The following OSBPL1A variants were observed in gnomAD, a reference collection of about 807,000 sequenced individuals.
OSBPL1A encodes oxysterol-binding protein-related protein 1.
Under a neutral mutation model 137.1 loss-of-function variants are expected in OSBPL1A, and 80 were observed. The ratio of observed to expected loss-of-function variants is 0.58; its 90% CI spans 0.49 to 0.70. The LOEUF is 0.70. OSBPL1A is among the 30% of genes least tolerant of loss of function. The pLI is 0.00. For missense variants in OSBPL1A, 970 were observed against 1,129.4 expected (o/e 0.86, Z 2.02); for synonymous variants, 365 against 389.7 (o/e 0.94, Z 0.75).
intron 19 of OSBPL1A, 83 bp from the exon 20 acceptor site, chr18:24,179,918 A>AG (rs2086555649): frequency 9.9e-7 from 1 of 1,012,598 alleles, no homozygotes; most frequent in African/African-American, 1.6e-5. Flanking sequence ...TGCTGAAGAC[A>AG]GTAATTTACA....
intron 4 of OSBPL1A, among the ~76,000 whole-genome samples, chr18:24,361,642 T>G (rs996535731): frequency 6.6e-6 from 1 of 152,166 alleles, no homozygotes; most frequent in African/African-American, 2.4e-5. Flanking sequence ...ACTTACCTTG[T>G]GCTCATGGGG....
rs1427746288 is a variant in OSBPL1A, at chr18:24,317,317, T to A, written c.806+10A>T. 1.2e-6 allele frequency: 2 copies of A among 1,612,046 alleles called. No individual in the cohort carries two copies. Among genetic ancestry groups the A allele is most frequent in the Non-Finnish European group, 1.7e-6 (2 of 1,178,178 alleles). ...TGAAATTTGATAAGTGTAAAGATCA[T>A]AATACTTACTGTTTCCTATACCATG... On this transcript the variant is annotated intron_variant, in intron 10 of 27. Coordinates refer to ENST00000319481, the MANE Select transcript of OSBPL1A (RefSeq NM_080597.4).
At position 24,251,095 on chromosome 18, in the gene OSBPL1A, T is replaced by C. The variant is rs139111444; in HGVS notation, c.1282-11713A>G. Among the ~76,000 whole-genome samples the C allele has an allele frequency of 2.6e-5, 4 of 152,282 alleles. No individual in the cohort carries two copies. In the East Asian group the frequency reaches 5.8e-4, roughly 22 times the overall value. The stretch of plus-strand genomic sequence containing the variant: ...GAGTGTCAGCTTAGCCACAGTAGAA[T>C]AGGACATCAGGCAAATTTCTAAGGT... On this transcript the variant is annotated intron_variant, in intron 15 of 27. Transcript: ENST00000319481.
chr18:24,365,025 C>CAAAAAAAAAAAAAAAAAAA (rs56400717), intron 4 of OSBPL1A, among the ~76,000 whole-genome samples: 1 of 89,692 alleles, frequency 1.1e-5, no homozygotes. Flanking sequence ...AAAACAACAA[C>CAAAAAAAAAAAAAAAAAAA]AAAAAAAAAA....
chr18:24,371,894 T>C (rs1441227919), intron 2 of OSBPL1A, among the ~76,000 whole-genome samples: 2 of 152,210 alleles, frequency 1.3e-5, no homozygotes, highest in Admixed American at 1.3e-4. Context: ...CCCTGTACCC[T>C]GTGGGTCCTC....
chr18:24,240,683 C>A (rs2088664939), intron 15 of OSBPL1A, among the ~76,000 whole-genome samples: 1 of 152,208 alleles, frequency 6.6e-6, no homozygotes, highest in South Asian at 2.1e-4. Context: ...AATCAGAAGT[C>A]TTCAACATAG....
chr18:24,339,670 A>G lies in OSBPL1A; in HGVS notation c.394+1877T>C, dbSNP rs1042826165. 9.9e-5 allele frequency among the ~76,000 whole-genome samples: 15 copies of G among 152,218 alleles called. 1 individual carries two copies. Among genetic ancestry groups the G allele is most frequent in the African/African-American group, 2.4e-5 (1 of 41,464 alleles). On this transcript the variant is annotated intron_variant, in intron 5 of 27. Transcript: ENST00000319481. ...TAATTAAAATGACAGGACATAATTA[A>G]AGACAGTACCTCATCCTCCCTATTC...
chr18:24,303,712 G>A lies in OSBPL1A; in HGVS notation c.1099C>T (p.Gln367Ter). The change falls in exon 14 of 28, where the codon CAG becomes TAG. Residue 367 changes from glutamine (Q) to a stop codon, truncating the protein, a stop_gained. Transcript: ENST00000319481. LOFTEE classifies it high-confidence loss of function. Reference sequence around the variant, plus strand: ...CTATCTAGTCGCTGTTGGCATGACTGTGCTTTCTGCAAAAAAAGAAAAGAC... The same window carrying A: ...CTATCTAGTCGCTGTTGGCATGACTATGCTTTCTGCAAAAAAAGAAAAGAC... ...ADLKKSLEKA[Q>*]SCQQRLDREI... 6.2e-7 allele frequency: 1 copy of A among 1,612,444 alleles called. No homozygotes were observed.
At chr18:24,218,618 A>G (rs1049918593) in intron 17 of OSBPL1A, among the ~76,000 whole-genome samples, 1 of 151,672 alleles carries the variant, frequency 6.6e-6, no homozygotes, top group East Asian at 1.9e-4. Context: ...TAATTTTTGT[A>G]TTTTTTGGTA....
chr18:24,269,707 A>G (rs2089668396), intron 15 of OSBPL1A, among the ~76,000 whole-genome samples: 1 of 152,226 alleles, frequency 6.6e-6, no homozygotes. Context: ...TAATCAGAGT[A>G]CAAGCCAGGC....
intron 14 of OSBPL1A, among the ~76,000 whole-genome samples, chr18:24,296,481 A>C (rs566463565): frequency 6.6e-6 from 1 of 152,088 alleles, no homozygotes; most frequent in East Asian, 1.9e-4. Context: ...TTTTCCACAT[A>C]GATGCCCTTT....
In OSBPL1A at chr18:24,271,851, G is replaced by C. The variant is rs1354967289; in HGVS notation, c.1281+8991C>G. 1 of 985,164 alleles carries C rather than the reference G, an allele frequency of 1.0e-6. No homozygotes were observed. The highest frequency in any genetic ancestry group is 1.2e-6 in the Non-Finnish European group (1 of 829,956). The allele number at this position is 985,164 out of a possible 1,614,324, so 61.0% of individuals were successfully genotyped here. On this transcript the variant is annotated intron_variant, in intron 15 of 27. Coordinates refer to ENST00000319481, the MANE Select transcript of OSBPL1A (RefSeq NM_080597.4). The surrounding 1 kb of genome is among the most constrained non-coding windows in gnomAD (Gnocchi z 4.0). The stretch of plus-strand genomic sequence containing the variant: ...CGCCAGCCTTCCCCAGCGAGGTCGG[G>C]CAGAGGCGTTGCCCGCCAGCGGCCC...
At chr18:24,249,900 C>T (rs960001807) in intron 15 of OSBPL1A, among the ~76,000 whole-genome samples, 5 of 152,170 alleles carry the variant, frequency 3.3e-5, no homozygotes, top group African/African-American at 1.2e-4. Flanking sequence ...GACTAGGTGG[C>T]ACCTGACCTA....
intron 21 of OSBPL1A, among the ~76,000 whole-genome samples, chr18:24,173,482 G>A (rs1030857324): frequency 2.0e-5 from 3 of 152,182 alleles, no homozygotes; most frequent in East Asian, 3.9e-4. Flanking sequence ...GCGTGATCTC[G>A]GCTCATTGCA....
At chr18:24,230,247 AG>A (rs1347522816) in intron 16 of OSBPL1A, among the ~76,000 whole-genome samples, 1 of 152,068 alleles carries the variant, frequency 6.6e-6, no homozygotes, top group Non-Finnish European at 1.5e-5. Flanking sequence ...AAACAAGGAG[AG>A]GGAGGAGGGA....
intron 4 of OSBPL1A, among the ~76,000 whole-genome samples, chr18:24,359,826 A>G (rs1469064192): frequency 6.6e-6 from 1 of 152,238 alleles, no homozygotes; most frequent in African/African-American, 2.4e-5. Context: ...TGCATCTGAA[A>G]GTAAAGTAAG....
At chr18:24,241,830 T>C (rs988702353) in intron 15 of OSBPL1A, among the ~76,000 whole-genome samples, 1 of 152,160 alleles carries the variant, frequency 6.6e-6, no homozygotes, top group Non-Finnish European at 1.5e-5. Flanking sequence ...TGCACACATA[T>C]GTTTATTGCA....
chr18:24,333,411 T>C (rs886699775), intron 6 of OSBPL1A, among the ~76,000 whole-genome samples: 2 of 152,238 alleles, frequency 1.3e-5, no homozygotes, highest in Non-Finnish European at 2.9e-5. Context: ...TTGCAATTCA[T>C]ACTTGTGACA....
intron 16 of OSBPL1A, among the ~76,000 whole-genome samples, chr18:24,230,733 T>G (rs919996161): frequency 6.6e-6 from 1 of 151,540 alleles, no homozygotes; most frequent in Non-Finnish European, 1.5e-5. Flanking sequence ...GCAAAACCAC[T>G]CAAAAATTTT....
Sources: allele counts gnomAD v4.1 joint callset (sites outside exome capture counted in the v4.1 genomes callset), GRCh38; gene constraint gnomAD v4.1.1; non-coding constraint Gnocchi (gnomAD v3.1); transcripts MANE v1.5; gene names NCBI Gene and HGNC (gene_info 2026-07-23, HGNC 2026-07-21).